The following ZNF827 variants were observed in gnomAD, a reference collection of about 807,000 sequenced individuals.
The protein encoded by ZNF827 is zinc finger protein 827.
ZNF827 carries 13 observed loss-of-function variants against 102.4 expected under a neutral mutation model. That is an observed-to-expected ratio of 0.13 (90% CI 0.08 to 0.20). The LOEUF is 0.20. ZNF827 is among the 10% of genes least tolerant of loss of function. ZNF827 has a pLI of 1.00. For missense variants in ZNF827, 1,103 were observed against 1,344.4 expected (o/e 0.82, Z 2.81); for synonymous variants, 523 against 536.2 (o/e 0.98, Z 0.34).
chr4:145,865,871 C>T (rs949033704), intron 5 of ZNF827, among the ~76,000 whole-genome samples: 1 of 152,158 alleles, frequency 6.6e-6, no homozygotes, highest in Non-Finnish European at 1.5e-5. Flanking sequence ...GAGAAGTTTC[C>T]ACTCTTGGGT....
At chr4:145,856,733 A>G (rs1371964340) in intron 5 of ZNF827, among the ~76,000 whole-genome samples, 1 of 143,482 alleles carries the variant, frequency 7.0e-6, no homozygotes, top group Non-Finnish European at 1.5e-5. Context: ...ACCCCATTTC[A>G]CTCAGAATAG....
rs191620148 is a variant in ZNF827 at position 145,826,656 on chromosome 4, T to C, written c.2280-3131A>G. Among the ~76,000 whole-genome samples, 14 of 152,382 alleles carry C rather than the reference T, an allele frequency of 9.2e-5. No homozygotes were observed. The East Asian group carries it at 2.5e-3, about 27-fold the overall frequency. On this transcript the variant is annotated intron_variant, in intron 7 of 14. Coordinates refer to ENST00000508784, the MANE Select transcript of ZNF827 (RefSeq NM_001306215.2). Reference sequence around the variant, plus strand: ...TGTTAATCTCTTACTATGCCTAATTTATAAATTAAACTTTACCATATGTAT... The same window carrying C: ...TGTTAATCTCTTACTATGCCTAATTCATAAATTAAACTTTACCATATGTAT...
intron 7 of ZNF827, chr4:145,839,289 G>A (rs1745187191): frequency 6.6e-6 from 1 of 152,210 alleles, no homozygotes; most frequent in Non-Finnish European, 1.5e-5. Context: ...AGGCCTTGTC[G>A]AGGGCCGCTG....
intron 8 of ZNF827, among the ~76,000 whole-genome samples, chr4:145,810,660 G>T (rs941425931): frequency 6.6e-6 from 1 of 152,100 alleles, no homozygotes; most frequent in Admixed American, 6.5e-5. Flanking sequence ...ATCATGTCAC[G>T]CATGTTGTCA....
At chr4:145,865,228 T>C (rs938839613) in intron 5 of ZNF827, among the ~76,000 whole-genome samples, 1 of 152,180 alleles carries the variant, frequency 6.6e-6, no homozygotes, top group African/African-American at 2.4e-5. Flanking sequence ...ATTAGGTACA[T>C]GTGCCCTTCT....
chr4:145,858,633 C>A (rs1747404454), intron 5 of ZNF827, among the ~76,000 whole-genome samples: 1 of 143,836 alleles, frequency 7.0e-6, no homozygotes, highest in African/African-American at 2.6e-5. Flanking sequence ...CACAGAGAGA[C>A]CCTGTCTCAA....
At chr4:145,933,514 ATT>A (rs1753956806) in intron 1 of ZNF827, among the ~76,000 whole-genome samples, 3 of 152,232 alleles carry the variant, frequency 2.0e-5, no homozygotes, top group African/African-American at 7.2e-5. Flanking sequence ...CTTTTCAGTC[ATT>A]TTGCTTCCTA....
At chr4:145,913,872 A>G (rs1314493178) in intron 1 of ZNF827, among the ~76,000 whole-genome samples, 2 of 152,228 alleles carry the variant, frequency 1.3e-5, no homozygotes, top group Admixed American at 6.5e-5. Flanking sequence ...GATCAGTAAT[A>G]AATTACCAAA....
intron 7 of ZNF827, among the ~76,000 whole-genome samples, chr4:145,840,251 G>A (rs1201149955): frequency 1.3e-5 from 2 of 152,276 alleles, no homozygotes; most frequent in South Asian, 4.1e-4. Flanking sequence ...AAGTCCGCAT[G>A]TGTGTCAGGG....
intron 9 of ZNF827, among the ~76,000 whole-genome samples, chr4:145,778,010 T>G (rs1437149438): frequency 1.3e-5 from 2 of 152,158 alleles, no homozygotes; most frequent in Admixed American, 6.5e-5. Context: ...AACTCCACTT[T>G]TTTGAACATG....
chr4:145,938,585 A>G lies in ZNF827; in HGVS notation c.-178T>C. 1.8e-6 allele frequency: 1 copy of G among 543,568 alleles called. No homozygotes were observed. The highest frequency in any genetic ancestry group is 3.3e-6 in the Non-Finnish European group (1 of 306,826). The allele number at this position is 543,568 out of a possible 1,614,324, so 33.7% of individuals were successfully genotyped here. A position where few individuals can be genotyped will look rare whatever the true frequency, so the allele number is the denominator to read the frequency against. On this transcript the variant is annotated 5_prime_UTR_variant, in exon 1 of 15. Coordinates refer to ENST00000508784, the MANE Select transcript of ZNF827 (RefSeq NM_001306215.2). ...GTTGAAGCTTGTTTCCTGGAGCCAG[A>G]AGAGGGGTTTTCTTCTTTTCTTTCC...
intron 8 of ZNF827, among the ~76,000 whole-genome samples, chr4:145,781,911 T>A (rs1222329789): frequency 6.6e-6 from 1 of 152,236 alleles, no homozygotes; most frequent in Admixed American, 6.5e-5. Context: ...TAAAAATAGA[T>A]AAGCACCTTA....
At chr4:145,923,543 C>A (rs1753225405) in intron 1 of ZNF827, among the ~76,000 whole-genome samples, 1 of 151,970 alleles carries the variant, frequency 6.6e-6, no homozygotes, top group Non-Finnish European at 1.5e-5. Flanking sequence ...CGCTTGAACC[C>A]AGGAGGCAGA....
intron 9 of ZNF827, 40 bp from the exon 10 acceptor site, chr4:145,776,000 A>T: frequency 6.2e-7 from 1 of 1,612,896 alleles, no homozygotes; most frequent in Middle Eastern, 1.6e-4. Flanking sequence ...AATCGCTTTC[A>T]AAAAAGGAAG....
intron 3 of ZNF827, 34 bp downstream of exon 3, chr4:145,892,209 C>T: frequency 2.5e-6 from 4 of 1,576,216 alleles, no homozygotes; most frequent in South Asian, 1.2e-5. Flanking sequence ...GCTGTGCCTG[C>T]CTCTCCAGGA....
intron 1 of ZNF827, among the ~76,000 whole-genome samples, chr4:145,908,793 G>T (rs2126915881): frequency 6.6e-6 from 1 of 152,338 alleles, no homozygotes; most frequent in African/African-American, 2.4e-5. Context: ...ATCAACAGAA[G>T]AGTGAGGGTT....
chr4:145,889,644 C>T (rs1750428659), intron 3 of ZNF827, among the ~76,000 whole-genome samples: 1 of 150,960 alleles, frequency 6.6e-6, no homozygotes, highest in Non-Finnish European at 1.5e-5. Flanking sequence ...AGCTCCGCCT[C>T]CCGTACTGAC....
chr4:145,823,668 T>C (rs989060617), intron 7 of ZNF827, 143 bp from the exon 8 acceptor site: 3 of 618,880 alleles, frequency 4.8e-6, no homozygotes, highest in Admixed American at 5.7e-5. Flanking sequence ...AAGAAGATTG[T>C]GCTTAAAATG....
chr4:145,816,330 T>A (rs1431800340), intron 8 of ZNF827, among the ~76,000 whole-genome samples: 1 of 152,244 alleles, frequency 6.6e-6, no homozygotes, highest in African/African-American at 2.4e-5. Context: ...CAATCACAGT[T>A]GTTTCTTTAT....
Sources: allele counts gnomAD v4.1 joint callset (sites outside exome capture counted in the v4.1 genomes callset), GRCh38; gene constraint gnomAD v4.1.1; transcripts MANE v1.5; gene names NCBI Gene and HGNC (gene_info 2026-07-23, HGNC 2026-07-21).